RHOBTB2: variants seen among roughly 807,000 people sequenced by gnomAD.
The protein encoded by RHOBTB2 is Rho related BTB domain containing 2, also known as rho-related BTB domain-containing protein 2.
RHOBTB2 carries 39 observed loss-of-function variants against 66.5 expected under a neutral mutation model. That is an observed-to-expected ratio of 0.59 (90% CI 0.45 to 0.77). RHOBTB2 has a LOEUF of 0.77. Ranked by LOEUF, RHOBTB2 falls within the 30% of genes least tolerant of loss-of-function variation. The pLI is 0.00. For missense variants in RHOBTB2, 755 were observed against 999.1 expected, an observed-to-expected ratio of 0.76 and a Z score of 3.29; for synonymous variants, 390 against 395.0, an observed-to-expected ratio of 0.99 and a Z score of 0.15.
intron 8 of RHOBTB2, among the ~76,000 whole-genome samples, chr8:23,015,188 C>G (rs899837440): frequency 6.6e-6 from 1 of 152,166 alleles, no homozygotes. Flanking sequence ...ATTCAGCCAC[C>G]AAAGATTAGT....
At position 23,004,275 on chromosome 8, in the gene RHOBTB2, G is replaced by T; in HGVS notation, c.-10-150G>T. The stretch of plus-strand genomic sequence containing the variant: ...CCCCTTGGACCCTCGCAGAGCTCTT[G>T]CCCAGAACGTTGCCCACTCCTTCCT... On this transcript the variant is annotated intron_variant, in intron 1 of 9. Transcript: ENST00000251822. This position sits in a 1 kb window ranked among gnomAD's most constrained non-coding sequence, Gnocchi z 6.4. 2.9e-6 allele frequency: 2 copies of T among 689,468 alleles called. No individual in the cohort carries two copies. Among genetic ancestry groups the T allele is most frequent in the Non-Finnish European group, 5.1e-6 (2 of 391,016 alleles). 42.7% of individuals were successfully genotyped at this position (689,468 alleles called of 1,614,324 possible).
At chr8:22,965,794 A>T in the RHOBTB2 span, among the ~76,000 whole-genome samples, 2 of 152,252 alleles carry the variant, frequency 1.3e-5, no homozygotes, top group Non-Finnish European at 2.9e-5. Context: ...TAAAGGTCTA[A>T]TTGTAAGAGC....
the RHOBTB2 span, among the ~76,000 whole-genome samples, chr8:22,976,336 C>G: frequency 6.6e-6 from 1 of 152,092 alleles, no homozygotes; most frequent in African/African-American, 2.4e-5. Context: ...CCAGGACATC[C>G]TACTGCAAAG....
At chr8:22,952,983 C>G in the RHOBTB2 span, among the ~76,000 whole-genome samples, 5 of 152,144 alleles carry the variant, frequency 3.3e-5, no homozygotes, top group African/African-American at 1.2e-4. Context: ...CTTGAGAGAT[C>G]AAGTGCTTGG....
chr8:22,965,413 C>G, the RHOBTB2 span, among the ~76,000 whole-genome samples: 1 of 127,804 alleles, frequency 7.8e-6, no homozygotes, highest in African/African-American at 2.5e-5. Flanking sequence ...TGCTTTTTTG[C>G]AGAAATAGAA....
chr8:22,986,047 C>T (rs2128794392), upstream of RHOBTB2, among the ~76,000 whole-genome samples: 1 of 152,192 alleles, frequency 6.6e-6, no homozygotes, highest in Admixed American at 6.5e-5. Context: ...AAAGTAGTTG[C>T]CTTCCAGAGG....
At chr8:22,984,508 G>A (rs764353150), upstream of RHOBTB2, 2 of 152,234 alleles carry the variant, frequency 1.3e-5, no homozygotes, top group Non-Finnish European at 2.9e-5. Flanking sequence ...AGCAGAAGGA[G>A]ACATGAGGCA....
the RHOBTB2 span, among the ~76,000 whole-genome samples, chr8:22,953,924 G>A: frequency 1.3e-5 from 2 of 152,310 alleles, no homozygotes; most frequent in South Asian, 4.1e-4. Context: ...TGTACTCAGG[G>A]CTTGGCTGCT....
the RHOBTB2 span, among the ~76,000 whole-genome samples, chr8:22,952,396 G>T: frequency 2.4e-4 from 37 of 152,184 alleles, no homozygotes; most frequent in African/African-American, 8.4e-4. Flanking sequence ...TGCCCCAAAA[G>T]TAAAGCAGTA....
At chr8:23,014,381 C>T (rs1353784465) in intron 7 of RHOBTB2, among the ~76,000 whole-genome samples, 1 of 152,246 alleles carries the variant, frequency 6.6e-6, no homozygotes, top group Non-Finnish European at 1.5e-5. Context: ...GTATCAGAGG[C>T]TGGTTCTGTT....
At chr8:22,987,102 C>T (rs759544887), upstream of RHOBTB2, among the ~76,000 whole-genome samples, 8 of 152,342 alleles carry the variant, frequency 5.3e-5, no homozygotes, top group Non-Finnish European at 1.2e-4. Context: ...TCAAGATGTG[C>T]GTCAGAAAGG....
the RHOBTB2 span, among the ~76,000 whole-genome samples, chr8:22,966,979 T>A: frequency 9.2e-5 from 14 of 152,314 alleles, no homozygotes; most frequent in Admixed American, 3.9e-4. Flanking sequence ...GTAGCTGCTA[T>A]GCAAACCAGT....
chr8:22,969,259 C>G, the RHOBTB2 span, among the ~76,000 whole-genome samples: 26 of 152,264 alleles, frequency 1.7e-4, no homozygotes, highest in Non-Finnish European at 3.1e-4. Flanking sequence ...AACCCCCCCA[C>G]CCCCGCATGA....
chr8:22,968,330 A>T, the RHOBTB2 span, among the ~76,000 whole-genome samples: 1 of 152,278 alleles, frequency 6.6e-6, no homozygotes, highest in African/African-American at 2.4e-5. Flanking sequence ...GGAGAAAGTG[A>T]TTAAATTTAA....
the RHOBTB2 span, among the ~76,000 whole-genome samples, chr8:22,963,789 T>A: frequency 6.6e-6 from 1 of 151,770 alleles, no homozygotes; most frequent in Admixed American, 6.6e-5. Context: ...ATTATTATTA[T>A]TATTATTTTA....
chr8:22,990,022 G>C (rs1300332845), intron 1 of RHOBTB2, among the ~76,000 whole-genome samples: 2 of 152,168 alleles, frequency 1.3e-5, no homozygotes, highest in Non-Finnish European at 2.9e-5. Context: ...AGTACATGCA[G>C]CACAATCCCG....
chr8:23,002,676 G>A (rs1414345293), intron 1 of RHOBTB2, among the ~76,000 whole-genome samples: 2 of 152,080 alleles, frequency 1.3e-5, no homozygotes, highest in African/African-American at 2.4e-5. Context: ...GGTGTCAAGC[G>A]CAAAACTCCG....
chr8:22,980,254 T>G, the RHOBTB2 span, among the ~76,000 whole-genome samples: 17 of 152,162 alleles, frequency 1.1e-4, no homozygotes, highest in Non-Finnish European at 2.2e-4. Context: ...TCTGATTAGT[T>G]TCCAGATATA....
upstream of RHOBTB2, among the ~76,000 whole-genome samples, chr8:22,998,554 T>C (rs151076344): frequency 2.9e-3 from 436 of 152,008 alleles, 2 homozygotes; most frequent in African/African-American, 9.8e-3. Flanking sequence ...GCCAAGGTGG[T>C]GAAACCCCGT....
Sources: gnomAD v4.1 joint callset for allele counts (sites outside exome capture counted in the v4.1 genomes callset) on GRCh38, gnomAD v4.1.1 for gene constraint, Gnocchi (gnomAD v3.1) non-coding constraint, MANE v1.5 for transcripts, NCBI Gene and HGNC (gene_info 2026-07-23, HGNC 2026-07-21) for gene names.